SPAG16: variants seen among roughly 807,000 people sequenced by gnomAD.
SPAG16 encodes the protein sperm-associated antigen 16 protein.
In SPAG16, 86 loss-of-function variants were observed where a neutral mutation model predicts 80.4. That is an observed-to-expected ratio of 1.07 (90% confidence interval 0.90 to 1.28). The LOEUF (loss-of-function observed/expected upper bound fraction) is 1.28, where lower values mean the gene tolerates loss of function less well. Ranked by LOEUF, SPAG16 falls within the 50% of genes most tolerant of loss-of-function variation. SPAG16 has a pLI of 0.00. For missense variants in SPAG16, 870 were observed against 765.3 expected, an observed-to-expected ratio of 1.14 and a Z score of -1.61; for synonymous variants, 294 against 265.9, an observed-to-expected ratio of 1.11 and a Z score of -1.03.
chr2:213,451,765 A>T (rs576013679), intron 9 of SPAG16, among the ~76,000 whole-genome samples: 5 of 152,218 alleles, frequency 3.3e-5, no homozygotes, highest in South Asian at 2.1e-4. Context: ...GGTGTGCCGT[A>T]TGTTGAGGGC....
intron 10 of SPAG16, among the ~76,000 whole-genome samples, chr2:213,511,347 T>C (rs2075218209): frequency 6.6e-6 from 1 of 152,122 alleles, no homozygotes; most frequent in Non-Finnish European, 1.5e-5. Flanking sequence ...ATTTGAAGGC[T>C]AGTTTAAAAT....
chr2:214,337,536 T>C (rs796568723), intron 15 of SPAG16, among the ~76,000 whole-genome samples: 8 of 152,354 alleles, frequency 5.3e-5, no homozygotes, highest in African/African-American at 1.9e-4. Context: ...ACCATGAGGA[T>C]ATAATGTTGT....
intron 10 of SPAG16, among the ~76,000 whole-genome samples, chr2:213,592,815 T>C (rs1188690795): frequency 6.6e-6 from 1 of 152,206 alleles, no homozygotes; most frequent in Non-Finnish European, 1.5e-5. Context: ...GATCACTTCG[T>C]CAGACTGAAT....
chr2:213,365,970 G>A (rs1428039655), intron 8 of SPAG16, among the ~76,000 whole-genome samples: 4 of 149,640 alleles, frequency 2.7e-5, no homozygotes, highest in South Asian at 2.1e-4. Context: ...GTGAAACCCC[G>A]TCTCTACTAA....
At chr2:213,462,390 GT>G (rs2072426052) in intron 9 of SPAG16, among the ~76,000 whole-genome samples, 1 of 152,226 alleles carries the variant, frequency 6.6e-6, no homozygotes, top group Non-Finnish European at 1.5e-5. Flanking sequence ...GCTTCCCATT[GT>G]AAGCCTTTTT....
chr2:214,236,657 A>C (rs549326948), intron 15 of SPAG16, among the ~76,000 whole-genome samples: 2 of 152,168 alleles, frequency 1.3e-5, no homozygotes, highest in African/African-American at 2.4e-5. Flanking sequence ...GTTTCAAAAA[A>C]AAAAAAAGAT....
intron 10 of SPAG16, among the ~76,000 whole-genome samples, chr2:213,852,119 G>C (rs1419729790): frequency 1.3e-5 from 2 of 152,094 alleles, no homozygotes; most frequent in East Asian, 3.9e-4. Context: ...CACTTTTTAA[G>C]TACACTTAAT....
At chr2:214,195,752 G>A (rs2057817909) in intron 15 of SPAG16, among the ~76,000 whole-genome samples, 1 of 152,000 alleles carries the variant, frequency 6.6e-6, no homozygotes, top group African/African-American at 2.4e-5. Context: ...CACTTGGCAA[G>A]TCTGAGATTC....
At chr2:213,436,817 A>C (rs2070665481) in intron 9 of SPAG16, among the ~76,000 whole-genome samples, 1 of 152,116 alleles carries the variant, frequency 6.6e-6, no homozygotes, top group African/African-American at 2.4e-5. Context: ...GGGTGTCACT[A>C]GTGGCACTCC....
intron 12 of SPAG16, among the ~76,000 whole-genome samples, chr2:214,010,406 G>A (rs190604292): frequency 6.8e-6 from 1 of 146,938 alleles, no homozygotes; most frequent in African/African-American, 2.7e-5. Context: ...AGTCACAGGG[G>A]AAGAAACTTT....
intron 15 of SPAG16, among the ~76,000 whole-genome samples, chr2:214,399,746 A>G (rs1378038006): frequency 1.3e-5 from 2 of 152,066 alleles, no homozygotes; most frequent in African/African-American, 4.8e-5. Flanking sequence ...TCCTTTGCCT[A>G]TTTCTAAACA....
chr2:213,364,361 C>T (rs1412702967), intron 8 of SPAG16: 3 of 262,520 alleles, frequency 1.1e-5, no homozygotes, highest in Non-Finnish European at 2.2e-5. Flanking sequence ...AGGACTTCTG[C>T]TTCTGGTCAT....
In SPAG16 at chr2:213,812,582, A is replaced by C. The variant is rs2072239935; in HGVS notation, c.1071-49903A>C. Among the ~76,000 whole-genome samples the C allele has an allele frequency of 2.6e-5, 4 of 152,324 alleles. No homozygotes were observed. The South Asian group carries it at 8.3e-4, about 32-fold the overall frequency. On this transcript the variant is annotated intron_variant, in intron 10 of 15. Transcript: ENST00000331683. ...GGAGGAGGGTGCAGGGCAGTGCATT[A>C]GTTCATGAGAGAAGAGACTGCAACT...
intron 15 of SPAG16, among the ~76,000 whole-genome samples, chr2:214,267,578 T>C (rs943227094): frequency 6.6e-5 from 10 of 151,878 alleles, no homozygotes; most frequent in African/African-American, 2.2e-4. Flanking sequence ...ATCCATAACA[T>C]TGACTGGTCT....
At chr2:214,126,535 T>C (rs1559823860) in intron 14 of SPAG16, among the ~76,000 whole-genome samples, 1 of 151,774 alleles carries the variant, frequency 6.6e-6, no homozygotes, top group Non-Finnish European at 1.5e-5. Context: ...ATCAACTTTA[T>C]GTATATAATG....
intron 12 of SPAG16, among the ~76,000 whole-genome samples, chr2:213,970,525 C>T (rs961160501): frequency 6.6e-6 from 1 of 152,084 alleles, no homozygotes; most frequent in Non-Finnish European, 1.5e-5. Context: ...TGGCCTCGAG[C>T]TCCTGAACAC....
At chr2:214,387,363 C>T (rs1420246785) in intron 15 of SPAG16, among the ~76,000 whole-genome samples, 1 of 152,032 alleles carries the variant, frequency 6.6e-6, no homozygotes, top group African/African-American at 2.4e-5. Context: ...ATGTTTGATC[C>T]ATCAGGAACC....
chr2:214,377,505 T>C (rs1700200817), intron 15 of SPAG16, among the ~76,000 whole-genome samples: 1 of 152,184 alleles, frequency 6.6e-6, no homozygotes, highest in South Asian at 2.1e-4. Flanking sequence ...TATTTTCTCT[T>C]TCGTATTATT....
At chr2:214,149,343 T>G in intron 15 of SPAG16, 77 bp downstream of exon 15, 1 of 1,286,728 alleles carries the variant, frequency 7.8e-7, no homozygotes, top group Non-Finnish European at 1.0e-6. Context: ...TTGTTTCTCC[T>G]TAAATGTATG....
Sources: allele counts gnomAD v4.1 joint callset (sites outside exome capture counted in the v4.1 genomes callset), GRCh38; gene constraint gnomAD v4.1.1; transcripts MANE v1.5; gene names NCBI Gene and HGNC (gene_info 2026-07-23, HGNC 2026-07-21).